The following UNC13C variants were observed in gnomAD, a reference collection of about 807,000 sequenced individuals.
The protein encoded by UNC13C is protein unc-13 homolog C.
A neutral mutation model predicts 245.4 loss-of-function variants in UNC13C; 174 were observed. The ratio of observed to expected loss-of-function variants is 0.71; its 90% CI spans 0.63 to 0.80. UNC13C has a LOEUF of 0.80. Ranked by LOEUF, UNC13C falls within the 30% of genes least tolerant of loss-of-function variation. The pLI is 0.00. For synonymous variants in UNC13C, 992 were observed against 895.1 expected (o/e 1.11, Z -1.93); for missense variants, 2,829 against 2,602.9 (o/e 1.09, Z -1.89).
intron 4 of UNC13C, among the ~76,000 whole-genome samples, chr15:54,158,383 C>T (rs2032838536): frequency 6.6e-6 from 1 of 151,892 alleles, no homozygotes; most frequent in African/African-American, 2.4e-5. Context: ...GGCTGGAGTA[C>T]AGTGGCCCAA....
chr15:54,390,559 C>A (rs2039933203), intron 17 of UNC13C, among the ~76,000 whole-genome samples: 1 of 151,818 alleles, frequency 6.6e-6, no homozygotes, highest in Non-Finnish European at 1.5e-5. Flanking sequence ...TTTACTGGGT[C>A]ATATTTTAAT....
intron 2 of UNC13C, among the ~76,000 whole-genome samples, chr15:54,020,982 GC>G (rs1895878367): frequency 1.3e-5 from 2 of 151,724 alleles, no homozygotes; most frequent in Admixed American, 1.3e-4. Flanking sequence ...AGTATTTTTT[GC>G]TTCTAATACA....
chr15:54,186,836 A>AAT lies in UNC13C; in HGVS notation c.3071+43159_3071+43160dup, dbSNP rs372623344. Among the ~76,000 whole-genome samples the AAT allele has an allele frequency of 5.9e-4, 75 of 126,170 alleles. 4 individuals are homozygous for AAT. Among genetic ancestry groups the AAT allele is most frequent in the South Asian group, 3.9e-3 (17 of 4,376 alleles). 82.8% of individuals were successfully genotyped at this position (126,170 alleles called of 152,430 possible). A position where few individuals can be genotyped will look rare whatever the true frequency, so the allele number is the denominator to read the frequency against. ...GTCCACTGACACATACAAAGAACATAATATATATGTATATATATATTTTGT... is the reference window on the plus strand; with the variant it reads ...GTCCACTGACACATACAAAGAACATAATATATATATGTATATATATATTTTGT... On this transcript the variant is annotated intron_variant, in intron 4 of 32. Coordinates refer to ENST00000260323, the MANE Select transcript of UNC13C (RefSeq NM_001080534.3).
At chr15:54,586,602 G>T (rs948645119) in intron 30 of UNC13C, among the ~76,000 whole-genome samples, 1 of 152,202 alleles carries the variant, frequency 6.6e-6, no homozygotes, top group Non-Finnish European at 1.5e-5. Context: ...GGAGGGTGGG[G>T]CTTTTACAAA....
chr15:54,404,742 A>G (rs1190727805), intron 18 of UNC13C, among the ~76,000 whole-genome samples: 2 of 152,150 alleles, frequency 1.3e-5, no homozygotes, highest in Non-Finnish European at 2.9e-5. Flanking sequence ...AAGTTACAAA[A>G]TGGTTGTGGA....
the UNC13C span, among the ~76,000 whole-genome samples, chr15:53,886,042 C>T: frequency 6.6e-6 from 1 of 151,978 alleles, no homozygotes; most frequent in Non-Finnish European, 1.5e-5. Flanking sequence ...GAGGAAGAGG[C>T]TGGAATGATC....
At chr15:54,600,476 C>T (rs951481806) in intron 30 of UNC13C, among the ~76,000 whole-genome samples, 1 of 152,058 alleles carries the variant, frequency 6.6e-6, no homozygotes, top group South Asian at 2.1e-4. Flanking sequence ...AATTTGAGAA[C>T]AAGATGAGCT....
chr15:53,870,523 TG>T, the UNC13C span, among the ~76,000 whole-genome samples: 16 of 150,778 alleles, frequency 1.1e-4, no homozygotes, highest in South Asian at 3.2e-3. Context: ...GAAGAGTCCA[TG>T]GCCATTCAGC....
At chr15:53,877,017 A>G in the UNC13C span, among the ~76,000 whole-genome samples, 1 of 152,180 alleles carries the variant, frequency 6.6e-6, no homozygotes, top group Non-Finnish European at 1.5e-5. Context: ...TTTATTTTAC[A>G]TTGGAATTTC....
rs142638541 is a variant in UNC13C, at chr15:54,449,813, T to G, written c.4933+34746T>G. On this transcript the variant is annotated intron_variant, in intron 19 of 32. Transcript: ENST00000260323. Reference sequence around the variant, plus strand: ...CCGTCCAGCTTTGTTCCACTGCTGGTGAGGAGCTGCATTCCTTTGGAGGAG... The same window carrying G: ...CCGTCCAGCTTTGTTCCACTGCTGGGGAGGAGCTGCATTCCTTTGGAGGAG... Among the ~76,000 whole-genome samples the G allele has an allele frequency of 5.0e-3, 769 of 152,340 alleles. 6 individuals carry two copies. The highest frequency in any genetic ancestry group is 0.017 in the African/African-American group (719 of 41,586).
At chr15:54,505,190 C>G (rs1314839905) in intron 22 of UNC13C, among the ~76,000 whole-genome samples, 1 of 152,160 alleles carries the variant, frequency 6.6e-6, no homozygotes, top group Admixed American at 6.6e-5. Flanking sequence ...CTGCACTATA[C>G]TCTCTTCTGA....
intron 4 of UNC13C, among the ~76,000 whole-genome samples, chr15:54,205,779 C>T (rs1232182550): frequency 2.0e-5 from 3 of 152,042 alleles, no homozygotes; most frequent in African/African-American, 7.2e-5. Context: ...GAAAGGCAAA[C>T]ACCTCACTTT....
intron 17 of UNC13C, among the ~76,000 whole-genome samples, chr15:54,343,870 T>C (rs1481548794): frequency 6.6e-6 from 1 of 151,450 alleles, no homozygotes; most frequent in Non-Finnish European, 1.5e-5. Flanking sequence ...TGGATAGAAA[T>C]TACTAAGAGT....
At chr15:54,545,853 C>T (rs1353367158) in intron 26 of UNC13C, among the ~76,000 whole-genome samples, 2 of 152,094 alleles carry the variant, frequency 1.3e-5, no homozygotes, top group Admixed American at 1.3e-4. Context: ...GAAATAGGAA[C>T]ACTTTTAAAC....
At chr15:53,935,045 G>T in the UNC13C span, among the ~76,000 whole-genome samples, 1 of 152,236 alleles carries the variant, frequency 6.6e-6, no homozygotes, top group African/African-American at 2.4e-5. Flanking sequence ...GCAGAGATGA[G>T]AAGAGTTTTC....
intron 4 of UNC13C, among the ~76,000 whole-genome samples, chr15:54,218,929 C>A (rs1008552737): frequency 1.8e-4 from 27 of 152,156 alleles, no homozygotes; most frequent in African/African-American, 6.3e-4. Flanking sequence ...CTACAAACCA[C>A]TGCTCAATGA....
intron 30 of UNC13C, among the ~76,000 whole-genome samples, chr15:54,598,338 G>C (rs549743860): frequency 2.6e-5 from 4 of 152,302 alleles, no homozygotes; most frequent in Admixed American, 2.6e-4. Context: ...CAGGCAATCT[G>C]CCCACCTCGG....
intron 19 of UNC13C, among the ~76,000 whole-genome samples, chr15:54,419,298 A>C (rs2040587721): frequency 6.6e-6 from 1 of 152,178 alleles, no homozygotes; most frequent in Non-Finnish European, 1.5e-5. Context: ...CTTAAAAAGT[A>C]ATCAAATGGA....
chr15:53,844,022 G>C, the UNC13C span, among the ~76,000 whole-genome samples: 1 of 152,200 alleles, frequency 6.6e-6, no homozygotes, highest in African/African-American at 2.4e-5. Context: ...GGAGCAGCCA[G>C]TTTAAAGGAG....
Sources: gnomAD v4.1 joint callset for allele counts (sites outside exome capture counted in the v4.1 genomes callset) on GRCh38, gnomAD v4.1.1 for gene constraint, MANE v1.5 for transcripts, NCBI Gene and HGNC (gene_info 2026-07-23, HGNC 2026-07-21) for gene names.